Variants in CRISP1 observed in about 807,000 individuals in gnomAD.
CRISP1 encodes the protein cysteine-rich secretory protein 1.
In CRISP1, 44 loss-of-function variants were observed where a neutral mutation model predicts 33.1. The ratio of observed to expected loss-of-function variants is 1.33; its 90% CI spans 1.05 to 1.71. The LOEUF (loss-of-function observed/expected upper bound fraction) is 1.71. CRISP1 is among the 40% of genes most tolerant of loss of function. The pLI is 0.00. For missense variants in CRISP1, 390 were observed against 301.2 expected, an observed-to-expected ratio of 1.29 and a Z score of -2.18; for synonymous variants, 103 against 98.7, an observed-to-expected ratio of 1.04 and a Z score of -0.26.
At chr6:49,859,180 T>C (rs1185478929) in intron 1 of CRISP1, among the ~76,000 whole-genome samples, 6 of 151,154 alleles carry the variant, frequency 4.0e-5, no homozygotes, top group Admixed American at 4.0e-4. Flanking sequence ...CAGAGGAGAG[T>C]TCACGGTGGG....
intron 3 of CRISP1, among the ~76,000 whole-genome samples, chr6:49,851,012 A>G (rs982470499): frequency 6.6e-6 from 1 of 152,164 alleles, no homozygotes; most frequent in Non-Finnish European, 1.5e-5. Flanking sequence ...GGGAGAAGGA[A>G]GTGAGTTAAT....
At chr6:49,841,990 G>A (rs1244687345) in intron 5 of CRISP1, among the ~76,000 whole-genome samples, 1 of 152,142 alleles carries the variant, frequency 6.6e-6, no homozygotes, top group Non-Finnish European at 1.5e-5. Flanking sequence ...AGCCTGGGTA[G>A]CTTTCTCACA....
intron 5 of CRISP1, among the ~76,000 whole-genome samples, chr6:49,841,512 C>T (rs916287429): frequency 6.6e-6 from 1 of 152,128 alleles, no homozygotes; most frequent in Non-Finnish European, 1.5e-5. Context: ...ATCCAGTATA[C>T]TCAGGGATGA....
At chr6:49,839,247 CA>C (rs755128951) in intron 6 of CRISP1, among the ~76,000 whole-genome samples, 24 of 24,304 alleles carry the variant, frequency 9.9e-4, no homozygotes, top group Non-Finnish European at 1.6e-3. Context: ...AAAGCCTGGG[CA>C]AAAAAAAAGC....
At chr6:49,857,682 A>C (rs2127475757) in intron 1 of CRISP1, among the ~76,000 whole-genome samples, 1 of 152,308 alleles carries the variant, frequency 6.6e-6, no homozygotes, top group African/African-American at 2.4e-5. Flanking sequence ...TAGCAGATGG[A>C]ATTCAAACTT....
intron 2 of CRISP1, 132 bp downstream of exon 2, chr6:49,857,203 C>G: frequency 1.3e-6 from 1 of 747,818 alleles, no homozygotes; most frequent in Admixed American, 2.7e-5. Flanking sequence ...CCTAACAGGG[C>G]TATTGTGAAA....
intron 1 of CRISP1, among the ~76,000 whole-genome samples, chr6:49,859,205 C>T (rs1278723556): frequency 1.3e-5 from 2 of 151,918 alleles, no homozygotes; most frequent in African/African-American, 4.8e-5. Context: ...ACGGGTTTCA[C>T]ACACCCTTGA....
chr6:49,846,149 G>A (rs532991531), intron 5 of CRISP1, among the ~76,000 whole-genome samples: 54 of 152,194 alleles, frequency 3.5e-4, no homozygotes, highest in African/African-American at 1.3e-3. Flanking sequence ...TAGTTAAAAT[G>A]GTAATTTTTT....
At chr6:49,870,545 A>G (rs911918814), upstream of CRISP1, among the ~76,000 whole-genome samples, 1 of 152,182 alleles carries the variant, frequency 6.6e-6, no homozygotes, top group African/African-American at 2.4e-5. Flanking sequence ...GGAAGTAAGT[A>G]AATACATACC....
chr6:49,875,051 T>A (rs551713007), intron 1 of CRISP1, among the ~76,000 whole-genome samples: 8 of 152,150 alleles, frequency 5.3e-5, no homozygotes, highest in Admixed American at 4.6e-4. Context: ...TATTGGAAAT[T>A]ATGGCCTGGG....
At position 49,841,013 on chromosome 6, in the gene CRISP1, T is replaced by G. The variant is rs1561939468; in HGVS notation, c.436-18A>C. Reference sequence around the variant, plus strand: ...CAAACAATCTGCAATGATAAAGAGTTGTTTTATTACAGATTAAATATTTTA... The same window carrying G: ...CAAACAATCTGCAATGATAAAGAGTGGTTTTATTACAGATTAAATATTTTA... On this transcript the variant is annotated intron_variant, in intron 5 of 7. Transcript: ENST00000335847. 2 of 1,587,982 alleles carry G rather than the reference T, an allele frequency of 1.3e-6. No individual in the cohort carries two copies. Among genetic ancestry groups the G allele is most frequent in the Admixed American group, 1.7e-5 (1 of 59,870 alleles).
chr6:49,858,504 C>T (rs1771555572), intron 1 of CRISP1, among the ~76,000 whole-genome samples: 1 of 152,204 alleles, frequency 6.6e-6, no homozygotes, highest in Non-Finnish European at 1.5e-5. Flanking sequence ...TTTACCATTG[C>T]TCTCACGTTT....
chr6:49,849,600 G>A (rs774721468), intron 3 of CRISP1, among the ~76,000 whole-genome samples: 2 of 152,122 alleles, frequency 1.3e-5, no homozygotes, highest in Non-Finnish European at 2.9e-5. Context: ...ACCCTTATAT[G>A]TGCATATAAC....
Position 49,835,369 on chromosome 6 carries a change from T to C in CRISP1, c.697A>G (p.Thr233Ala). ...GTGGCTTTACAGAATAGGATAGTTG[T>C]TGAGTGGTTGCATCCCAGATAATGG... ...QVHYLGCNHS[T>A]TILFCKATCL... The change falls in exon 8 of 8, where the codon ACA becomes GCA. Residue 233 changes from threonine (T) to alanine (A), a missense_variant. Physicochemically the swap from Thr to Ala is moderately conservative, Grantham distance 58. Transcript: ENST00000335847. 6.2e-7 allele frequency: 1 copy of C among 1,613,768 alleles called. No homozygotes were observed. The highest frequency in any genetic ancestry group is 1.1e-5 in the South Asian group (1 of 91,070).
Position 49,835,138 on chromosome 6 carries a change from A to C in CRISP1, c.*178T>G, listed in dbSNP as rs9473671. On this transcript the variant is annotated 3_prime_UTR_variant, in exon 8 of 8. Coordinates refer to ENST00000335847, the MANE Select transcript of CRISP1 (RefSeq NM_001131.3). ...GTTGGACTTGACCTTTTACTCCAGC[A>C]CTAAGAAAGTTTAAAACAGTGTTAC... The C allele has an allele frequency of 8.4e-4, 468 of 557,376 alleles. No individual in the cohort carries two copies. The highest frequency in any genetic ancestry group is 8.3e-3 in the African/African-American group (430 of 52,108). 34.5% of individuals were successfully genotyped at this position (557,376 alleles called of 1,614,324 possible). A position where few individuals can be genotyped will look rare whatever the true frequency, so the allele number is the denominator to read the frequency against.
upstream of CRISP1, among the ~76,000 whole-genome samples, chr6:49,871,381 C>A (rs563337553): frequency 6.6e-6 from 1 of 152,068 alleles, no homozygotes; most frequent in Non-Finnish European, 1.5e-5. Context: ...AATGGTCACT[C>A]TACAGGGAAG....
intron 1 of CRISP1, among the ~76,000 whole-genome samples, chr6:49,863,332 C>T (rs1771704662): frequency 6.6e-6 from 1 of 152,144 alleles, no homozygotes; most frequent in African/African-American, 2.4e-5. Flanking sequence ...TGGAAGATTG[C>T]AAATCTAGGA....
chr6:49,872,130 T>C (rs1246309695), intron 1 of CRISP1, among the ~76,000 whole-genome samples: 2 of 152,224 alleles, frequency 1.3e-5, no homozygotes, highest in African/African-American at 2.4e-5. Flanking sequence ...TGGTTTTGAT[T>C]TGGATTTCTC....
intron 1 of CRISP1, among the ~76,000 whole-genome samples, chr6:49,872,784 T>C (rs1188389369): frequency 6.6e-6 from 1 of 152,216 alleles, no homozygotes; most frequent in East Asian, 1.9e-4. Flanking sequence ...ACAAGTATCA[T>C]GCTGTTTTGG....
Sources: allele counts gnomAD v4.1 joint callset (sites outside exome capture counted in the v4.1 genomes callset), GRCh38; gene constraint gnomAD v4.1.1; transcripts MANE v1.5; gene names NCBI Gene and HGNC (gene_info 2026-07-23, HGNC 2026-07-21).